The following UTP11 variants were observed in gnomAD, a reference collection of about 807,000 sequenced individuals.
UTP11 encodes the protein probable U3 small nucleolar RNA-associated protein 11.
Under a neutral mutation model 39.0 loss-of-function variants are expected in UTP11, and 29 were observed. That is an observed-to-expected ratio of 0.74 (90% CI 0.55 to 1.01). The LOEUF is 1.01. Among genes scored for constraint, UTP11 ranks in the 50% least tolerant of loss-of-function variants. The pLI is 0.00. For synonymous variants in UTP11, 111 were observed against 105.0 expected (o/e 1.06, Z -0.35); for missense variants, 281 against 306.0 (o/e 0.92, Z 0.61).
intron 4 of UTP11, 104 bp from the exon 5 acceptor site, chr1:38,018,955 G>A (rs866327058): frequency 1.4e-5 from 14 of 969,002 alleles, no homozygotes; most frequent in African/African-American, 1.0e-4. Context: ...TTCTTTGCTG[G>A]CTGGCAATAA....
Position 38,022,823 on chromosome 1 carries a change from GC to G in UTP11, c.678+16del. 2 of 1,411,276 alleles carry G rather than the reference GC, an allele frequency of 1.4e-6. No individual in the cohort carries two copies. Among genetic ancestry groups the G allele is most frequent in the Non-Finnish European group, 2.0e-6 (2 of 1,017,100 alleles). 87.4% of individuals were successfully genotyped at this position (1,411,276 alleles called of 1,614,324 possible). ...AAAGATCTTATGGTGAGGAGAGAGA[GC>G]CTTAGGCCTCTTTTTTTTTTTTTCC... On this transcript the variant is annotated intron_variant, in intron 7 of 7. Transcript: ENST00000373014.
chr1:38,019,034 AGT>A (rs1411162437), intron 4 of UTP11, 23 bp from the exon 5 acceptor site: 36 of 1,587,038 alleles, frequency 2.3e-5, no homozygotes, highest in Non-Finnish European at 3.0e-5. Context: ...TCTAATATAA[AGT>A]GAGACCATAT....
chr1:38,012,908 T>C (rs1490253496), intron 1 of UTP11, 43 bp downstream of exon 1: 2 of 1,613,270 alleles, frequency 1.2e-6, no homozygotes, highest in East Asian at 2.2e-5. Flanking sequence ...TTTGTCGCCA[T>C]GTGTTACCCT....
At chr1:38,023,513 T>A in intron 7 of UTP11, 32 bp from the exon 8 acceptor site, 3 of 1,585,434 alleles carry the variant, frequency 1.9e-6, no homozygotes, top group Non-Finnish European at 2.6e-6. Flanking sequence ...CATTTCCTTC[T>A]CTTTACTGAT....
At chr1:38,018,919 C>T in intron 4 of UTP11, 140 bp from the exon 5 acceptor site, 1 of 751,838 alleles carries the variant, frequency 1.3e-6, no homozygotes, top group Non-Finnish European at 2.1e-6. Context: ...TTGTTGGGAT[C>T]CTTTCCTTTA....
intron 6 of UTP11, among the ~76,000 whole-genome samples, chr1:38,021,942 T>G (rs981461654): frequency 1.3e-5 from 2 of 151,808 alleles, no homozygotes; most frequent in Non-Finnish European, 1.5e-5. Flanking sequence ...TCAGTTTCTC[T>G]GAGGTTGATG....
intron 1 of UTP11, among the ~76,000 whole-genome samples, chr1:38,013,156 G>A (rs1646687943): frequency 6.6e-6 from 1 of 152,274 alleles, no homozygotes; most frequent in African/African-American, 2.4e-5. Context: ...CAAGTGCCTG[G>A]TCTCTTCTGA....
At chr1:38,018,929 A>T (rs1032465905) in intron 4 of UTP11, 130 bp from the exon 5 acceptor site, 1 of 822,850 alleles carries the variant, frequency 1.2e-6, no homozygotes, top group Non-Finnish European at 1.9e-6. Context: ...CCTTTCCTTT[A>T]AAAGAATAAA....
chr1:38,021,902 A>C (rs1006013033), intron 6 of UTP11, among the ~76,000 whole-genome samples: 3 of 152,124 alleles, frequency 2.0e-5, no homozygotes, highest in Non-Finnish European at 4.4e-5. Context: ...CAGAAAAAAA[A>C]AAAAAAGAAG....
At position 38,020,354 on chromosome 1, in the gene UTP11, T is replaced by A. The variant is rs1485458339; in HGVS notation, c.567+971T>A. Among the ~76,000 whole-genome samples the A allele has an allele frequency of 2.6e-5, 4 of 152,194 alleles. No individual in the cohort carries two copies. In the South Asian group the frequency reaches 6.2e-4, roughly 24 times the overall value. On this transcript the variant is annotated intron_variant, in intron 6 of 7. Coordinates refer to ENST00000373014, the MANE Select transcript of UTP11 (RefSeq NM_016037.4). Reference sequence around the variant, plus strand: ...CTGAGCTCAAGTGTTTACTCCCGCCTTGGCCTCCTGAAGTGTTGGGATTAC... The same window carrying A: ...CTGAGCTCAAGTGTTTACTCCCGCCATGGCCTCCTGAAGTGTTGGGATTAC...
intron 1 of UTP11, among the ~76,000 whole-genome samples, chr1:38,013,795 A>G (rs1570497507): frequency 6.6e-6 from 1 of 150,656 alleles, no homozygotes; most frequent in African/African-American, 2.4e-5. Context: ...CCTCACTACA[A>G]CCTCCGCCTC....
In UTP11 at chr1:38,016,403, T is replaced by C. The variant is rs1157801955; in HGVS notation, c.108T>C (p.Asp36=). 6.2e-7 allele frequency: 1 copy of C among 1,614,180 alleles called. No homozygotes were observed. Among genetic ancestry groups the C allele is most frequent in the South Asian group, 1.1e-5 (1 of 91,084 alleles). Residue 36 remains aspartate, a synonymous_variant, in exon 2 of 8, where the codon GAT becomes GAC. Transcript: ENST00000373014. Reference sequence around the variant, plus strand: ...TGGGCCTGCTGGAGAAAAAGAAAGATTACAAACTTCGTGCAGAGTGAGTTC... The same window carrying C: ...TGGGCCTGCTGGAGAAAAAGAAAGACTACAAACTTCGTGCAGAGTGAGTTC... The part of the protein sequence containing the change: ...KHLGLLEKKK[D]YKLRADDYRK...
At chr1:38,019,481 AAAATT>A in intron 6 of UTP11, 98 bp downstream of exon 6, 1 of 1,087,554 alleles carries the variant, frequency 9.2e-7, no homozygotes. Context: ...AATAATTTTT[AAAATT>A]TATTTTATTT....
rs995051218 is a variant in UTP11 at position 38,018,077 on chromosome 1, GT to G, written c.228+318del. 2.2e-4 allele frequency among the ~76,000 whole-genome samples: 32 copies of G among 146,046 alleles called. No homozygotes were observed. The South Asian group carries it at 3.5e-3, about 16-fold the overall frequency. On this transcript the variant is annotated intron_variant, in intron 3 of 7. Coordinates refer to ENST00000373014, the MANE Select transcript of UTP11 (RefSeq NM_016037.4). ...GCATACAGCATTTGGTTGTCTTTTTGTTTTTTTTTTTGAGATGGACTCACTC... is the reference window on the plus strand; with the variant it reads ...GCATACAGCATTTGGTTGTCTTTTTGTTTTTTTTTTGAGATGGACTCACTC...
At chr1:38,016,521 C>A in intron 2 of UTP11, 101 bp downstream of exon 2, 1 of 1,268,480 alleles carries the variant, frequency 7.9e-7, no homozygotes, top group Non-Finnish European at 1.1e-6. Flanking sequence ...TAATTTCCTG[C>A]CATTGATAAA....
chr1:38,022,704 A>G lies in UTP11; in HGVS notation c.573A>G (p.Ile191Met). Residue 191 changes from isoleucine to methionine, a missense_variant, in exon 7 of 8, where the codon ATA becomes ATG. Transcript: ENST00000373014. ...TGTGTGTGTTTCTTCTCCAGCGAAT[A>G]GCTAAAGAAAGGCAAAAGCAGTATA... ...GVTNQTGLKR[I>M]AKERQKQYNC... The G allele has an allele frequency of 6.2e-7, 1 of 1,610,214 alleles. No homozygotes were observed. The highest frequency in any genetic ancestry group is 1.1e-5 in the South Asian group (1 of 90,770).
chr1:38,013,721 C>CT (rs11307333), intron 1 of UTP11, among the ~76,000 whole-genome samples: 24 of 148,988 alleles, frequency 1.6e-4, no homozygotes, highest in African/African-American at 2.0e-4. Flanking sequence ...ATATATCAAA[C>CT]TTTTTTTTTT....
chr1:38,013,735 G>A (rs1310571582), intron 1 of UTP11, among the ~76,000 whole-genome samples: 1 of 151,208 alleles, frequency 6.6e-6, no homozygotes, highest in Non-Finnish European at 1.5e-5. Context: ...TTTTTTTTGA[G>A]ATGGAGTCTC....
chr1:38,013,142 C>G (rs1429483329), intron 1 of UTP11, among the ~76,000 whole-genome samples: 1 of 152,182 alleles, frequency 6.6e-6, no homozygotes, highest in African/African-American at 2.4e-5. Context: ...AGTAAGATGT[C>G]TGTCAAGTGC....
Sources: gnomAD v4.1 joint callset for allele counts (sites outside exome capture counted in the v4.1 genomes callset) on GRCh38, gnomAD v4.1.1 for gene constraint, MANE v1.5 for transcripts, NCBI Gene and HGNC (gene_info 2026-07-23, HGNC 2026-07-21) for gene names.